Variants in OPCML observed in about 807,000 individuals in gnomAD.
The protein encoded by OPCML is opioid-binding protein/cell adhesion molecule.
Under a neutral mutation model 37.8 loss-of-function variants are expected in OPCML, and 13 were observed. The observed-to-expected ratio is 0.34, with a 90% CI of 0.22 to 0.55. The LOEUF (loss-of-function observed/expected upper bound fraction) is 0.55, where lower values mean the gene tolerates loss of function less well. Ranked by LOEUF, OPCML falls within the 20% of genes least tolerant of loss-of-function variation. The probability of loss-of-function intolerance (pLI) is 0.91; values close to 1 mark genes in which losing one functional copy is unlikely to be tolerated. For missense variants in OPCML, 341 were observed against 435.6 expected, an observed-to-expected ratio of 0.78 and a Z score of 1.93; for synonymous variants, 176 against 168.8, an observed-to-expected ratio of 1.04 and a Z score of -0.33.
chr11:133,402,189 T>C (rs1310839372), intron 1 of OPCML, among the ~76,000 whole-genome samples: 1 of 152,070 alleles, frequency 6.6e-6, no homozygotes, highest in Non-Finnish European at 1.5e-5. Flanking sequence ...CATTGTCCCA[T>C]GCTGGAAGGC....
At chr11:132,683,251 T>G (rs561473779) in intron 2 of OPCML, among the ~76,000 whole-genome samples, 1 of 152,040 alleles carries the variant, frequency 6.6e-6, no homozygotes, top group Non-Finnish European at 1.5e-5. Flanking sequence ...AATTAAAAAA[T>G]TAATCAGGCA....
At chr11:133,314,557 GAA>G (rs58045536) in intron 1 of OPCML, among the ~76,000 whole-genome samples, 35,348 of 140,920 alleles carry the variant, frequency 0.25, 4,373 homozygotes, top group Middle Eastern at 0.34. Context: ...TCCATAATAA[GAA>G]AAAAAAAAAA....
intron 1 of OPCML, among the ~76,000 whole-genome samples, chr11:133,100,669 C>T (rs1949072288): frequency 6.6e-6 from 1 of 152,024 alleles, no homozygotes; most frequent in Non-Finnish European, 1.5e-5. Context: ...CACACAAATA[C>T]AGTAAACTGA....
chr11:132,888,333 G>A (rs1194104329), intron 2 of OPCML, among the ~76,000 whole-genome samples: 1 of 152,176 alleles, frequency 6.6e-6, no homozygotes, highest in Non-Finnish European at 1.5e-5. Context: ...AGACAGAGTG[G>A]AATGGATAAC....
At chr11:132,815,007 T>C (rs1939548461) in intron 2 of OPCML, among the ~76,000 whole-genome samples, 1 of 152,222 alleles carries the variant, frequency 6.6e-6, no homozygotes, top group African/African-American at 2.4e-5. Context: ...TATTGTGAAC[T>C]TAAAAGCCAT....
chr11:133,289,482 C>T (rs1592170774), intron 1 of OPCML, among the ~76,000 whole-genome samples: 1 of 149,788 alleles, frequency 6.7e-6, no homozygotes. Flanking sequence ...GTAGTCCCAG[C>T]TACTCGGGAG....
intron 1 of OPCML, among the ~76,000 whole-genome samples, chr11:133,389,426 G>A (rs917372699): frequency 2.0e-5 from 3 of 152,098 alleles, no homozygotes; most frequent in African/African-American, 4.8e-5. Context: ...GGATGACCTC[G>A]CCGGTTAAGG....
intron 1 of OPCML, among the ~76,000 whole-genome samples, chr11:132,948,575 G>T (rs921024097): frequency 1.3e-5 from 2 of 152,126 alleles, no homozygotes; most frequent in Non-Finnish European, 1.5e-5. Context: ...TCACAGGCAA[G>T]TTTTTTATCA....
intron 1 of OPCML, among the ~76,000 whole-genome samples, chr11:133,134,613 G>A (rs1386463685): frequency 2.0e-5 from 3 of 152,306 alleles, no homozygotes; most frequent in East Asian, 3.9e-4. Flanking sequence ...CTCGGCCATG[G>A]GCTCTCCTCC....
At chr11:132,424,754 G>A (rs1407880615) in intron 7 of OPCML, among the ~76,000 whole-genome samples, 1 of 152,176 alleles carries the variant, frequency 6.6e-6, no homozygotes, top group Non-Finnish European at 1.5e-5. Flanking sequence ...AAGGATGAAC[G>A]TAATCAGTAG....
At chr11:133,027,470 A>AGT (rs112879269) in intron 1 of OPCML, among the ~76,000 whole-genome samples, 7,130 of 144,954 alleles carry the variant, frequency 0.049, 464 homozygotes, top group African/African-American at 0.16. Context: ...TGGTCTATGT[A>AGT]GTGTGTGTGT....
At chr11:133,054,271 C>G (rs752023374) in intron 1 of OPCML, among the ~76,000 whole-genome samples, 13 of 152,290 alleles carry the variant, frequency 8.5e-5, no homozygotes, top group Non-Finnish European at 1.0e-4. Context: ...TGGTGGCTTT[C>G]TATTATACCT....
At chr11:133,204,880 A>G (rs1320445825) in intron 1 of OPCML, among the ~76,000 whole-genome samples, 372 of 26,312 alleles carry the variant, frequency 0.014, 4 homozygotes, top group Middle Eastern at 0.11. Context: ...ATATATATAT[A>G]TATATATATA....
chr11:132,459,608 AC>A (rs1214185321), intron 4 of OPCML, among the ~76,000 whole-genome samples: 3 of 151,250 alleles, frequency 2.0e-5, no homozygotes, highest in Non-Finnish European at 2.9e-5. Context: ...TCTCTGGAGA[AC>A]CTTGCCTAAT....
intron 1 of OPCML, among the ~76,000 whole-genome samples, chr11:132,991,105 T>G (rs542969297): frequency 1.3e-5 from 2 of 152,286 alleles, no homozygotes; most frequent in Admixed American, 1.3e-4. Context: ...AAGAAAAATG[T>G]CTACAGCAAT....
chr11:133,029,262 C>T (rs1947622086), intron 1 of OPCML, among the ~76,000 whole-genome samples: 1 of 152,160 alleles, frequency 6.6e-6, no homozygotes. Flanking sequence ...TGTTTATACA[C>T]AGTTGGTGGG....
At position 132,657,217 on chromosome 11, in the gene OPCML, G is replaced by T; in HGVS notation, c.249C>A (p.Ile83=). 2 of 1,614,230 alleles carry T rather than the reference G, an allele frequency of 1.2e-6. No homozygotes were observed. Among genetic ancestry groups the T allele is most frequent in the Non-Finnish European group, 1.7e-6 (2 of 1,180,046 alleles). ...TGTACTGGGTTGGTGTATTGACCAG[G>T]ATGATCACACGAGGGTCTATGGACC... is the stretch of plus-strand genomic sequence containing the variant. ...DKWSIDPRVI[I]LVNTPTQYSI... The change falls in exon 3 of 8, where the codon ATC becomes ATA. Residue 83 remains isoleucine (I), a synonymous_variant. Coordinates refer to ENST00000524381, the MANE Select transcript of OPCML (RefSeq NM_001012393.5).
At chr11:133,118,895 C>G (rs922988240) in intron 1 of OPCML, among the ~76,000 whole-genome samples, 1 of 152,196 alleles carries the variant, frequency 6.6e-6, no homozygotes, top group Non-Finnish European at 1.5e-5. Context: ...CTCCACCAAG[C>G]AAATGGCTGG....
At chr11:133,006,651 T>C in intron 1 of OPCML, 1 of 985,402 alleles carries the variant, frequency 1.0e-6, no homozygotes, top group South Asian at 4.7e-5. Flanking sequence ...ATCTGGAAGG[T>C]GGTCAGTGCC....
Sources: gnomAD v4.1 joint callset for allele counts (sites outside exome capture counted in the v4.1 genomes callset) on GRCh38, gnomAD v4.1.1 for gene constraint, MANE v1.5 for transcripts, NCBI Gene and HGNC (gene_info 2026-07-23, HGNC 2026-07-21) for gene names.